Variants in YIPF2 observed in about 807,000 individuals in gnomAD.
YIPF2 encodes protein YIPF2.
YIPF2 carries 30 observed loss-of-function variants against 38.8 expected under a neutral mutation model. That is an observed-to-expected ratio of 0.77 (90% confidence interval 0.58 to 1.05). YIPF2 has a LOEUF of 1.05. Among genes scored for constraint, YIPF2 ranks in the 50% least tolerant of loss-of-function variants. The pLI, the probability that YIPF2 is intolerant of heterozygous loss-of-function variation, is 0.00. For synonymous variants in YIPF2, 194 were observed against 183.8 expected (o/e 1.06, Z -0.45); for missense variants, 401 against 409.7 (o/e 0.98, Z 0.18).
intron 7 of YIPF2, 77 bp downstream of exon 7, chr19:10,923,756 C>A: frequency 6.3e-7 from 1 of 1,581,702 alleles, no homozygotes; most frequent in Non-Finnish European, 8.6e-7. Flanking sequence ...CCCTCACCAC[C>A]ATGGGAATGA....
rs2074276054 is a variant in YIPF2, at chr19:10,922,625, C to T, written c.*569G>A. On this transcript the variant is annotated 3_prime_UTR_variant, in exon 10 of 10. Transcript: ENST00000586748. ...GCTAACGTTAGGCCTGAGTAGCTCCCCTCCATCCTTGTAGACGCTCCAGTC... is the reference window on the plus strand; with the variant it reads ...GCTAACGTTAGGCCTGAGTAGCTCCTCTCCATCCTTGTAGACGCTCCAGTC... 1 of 152,384 alleles carries T rather than the reference C, an allele frequency of 6.6e-6. No individual in the cohort carries two copies. Among genetic ancestry groups the T allele is most frequent in the Non-Finnish European group, 1.5e-5 (1 of 68,082 alleles). 9.4% of individuals were successfully genotyped at this position (152,384 alleles called of 1,614,324 possible). A position where few individuals can be genotyped will look rare whatever the true frequency, so the allele number is the denominator to read the frequency against.
At chr19:10,926,693 A>ATTTTTTTTT in intron 4 of YIPF2, among the ~76,000 whole-genome samples, 1 of 145,826 alleles carries the variant, frequency 6.9e-6, no homozygotes, top group Non-Finnish European at 1.5e-5. Flanking sequence ...TGCCTGGCTA[A>ATTTTTTTTT]TTTTTGTATT....
At position 10,927,824 on chromosome 19, in the gene YIPF2, A is replaced by C; in HGVS notation, c.167T>G (p.Val56Gly). 6.2e-7 allele frequency: 1 copy of C among 1,608,212 alleles called. No individual in the cohort carries two copies. The highest frequency in any genetic ancestry group is 1.1e-5 in the South Asian group (1 of 90,990). The part of the protein sequence containing the change: ...SGGSYGAEDE[V>G]EEESDKAALL... ...CGCGGCCTTGTCACTCTCCTCCTCC[A>C]CCTCATCCTCGGCTCCATAGCTGCC... Residue 56 changes from valine to glycine, a missense_variant, in exon 3 of 10, where the codon GTG (valine) becomes GGG (glycine). Coordinates refer to ENST00000586748, the MANE Select transcript of YIPF2 (RefSeq NM_001321439.2).
chr19:10,928,296 G>A, intron 2 of YIPF2, 84 bp downstream of exon 2: 2 of 1,316,806 alleles, frequency 1.5e-6, no homozygotes, highest in South Asian at 2.4e-5. Flanking sequence ...AGGCTTCGGG[G>A]TAGAGAAATT....
At position 10,923,368 on chromosome 19, in the gene YIPF2, G is replaced by A. The variant is rs1471420752; in HGVS notation, c.874C>T (p.Pro292Ser). 1.9e-6 allele frequency: 3 copies of A among 1,613,408 alleles called. No homozygotes were observed. The highest frequency in any genetic ancestry group is 3.3e-5 in the Admixed American group (2 of 59,894). The change falls in exon 9 of 10, where the codon CCT becomes TCT. Residue 292 changes from proline to serine, a missense_variant. Physicochemically the swap from Pro to Ser is moderately conservative, Grantham distance 74. Transcript: ENST00000586748. ...GGCAGAGATGTGATTTGGGGTGGAG[G>A]AGCCACGTTCTCCGGAGGCAGCGAC... ...FQSLPPENVA[P>S]PPQITSLPSN...
intron 5 of YIPF2, among the ~76,000 whole-genome samples, chr19:10,925,231 CAAA>C (rs1268669032): frequency 7.5e-5 from 7 of 93,782 alleles, no homozygotes; most frequent in African/African-American, 4.0e-5. Context: ...GACTCTGTCT[CAAA>C]AAAAAAAAAA....
At chr19:10,926,283 G>C in intron 4 of YIPF2, among the ~76,000 whole-genome samples, 1 of 150,898 alleles carries the variant, frequency 6.6e-6, no homozygotes, top group East Asian at 1.9e-4. Context: ...CTGGAGTGCA[G>C]TGGTGCCATC....
At position 10,927,670 on chromosome 19, in the gene YIPF2, A is replaced by C; in HGVS notation, c.239T>G (p.Phe80Cys). The part of the protein sequence containing the change: ...QQQQQPGFWT[F>C]SYYQSFFDVD... ...GTCAAAGAAGCTCTGATAGTAGCTG[A>C]AGGTCCAGAATCCCGGCTGCTGCTG... The change falls in exon 4 of 10, where the codon TTC becomes TGC. Residue 80 changes from phenylalanine to cysteine, a missense_variant. By Grantham distance (205) the Phe-to-Cys change is radical. Coordinates refer to ENST00000586748, the MANE Select transcript of YIPF2 (RefSeq NM_001321439.2). The C allele has an allele frequency of 6.2e-7, 1 of 1,613,894 alleles. No homozygotes were observed.
Position 10,927,685 on chromosome 19 carries a change from GGCTGCTGCT to G in YIPF2, c.215_223del (p.Gln72_Gln74del), listed in dbSNP as rs757352556. The G allele has an allele frequency of 5.6e-6, 9 of 1,613,392 alleles. No homozygotes were observed. Among genetic ancestry groups the G allele is most frequent in the Non-Finnish European group, 7.6e-6 (9 of 1,179,918 alleles). ...ATAGTAGCTGAAGGTCCAGAATCCC[GGCTGCTGCT>G]GCTGCTGCTGCTCCTGCAGGAGCTG... On this transcript the variant is annotated inframe_deletion, in exon 4 of 10. Transcript: ENST00000586748.
Position 10,923,271 on chromosome 19 carries a change from C to A in YIPF2, c.*19+1G>T. The A allele has an allele frequency of 6.2e-7, 1 of 1,600,136 alleles. No individual in the cohort carries two copies. The highest frequency in any genetic ancestry group is 8.5e-7 in the Non-Finnish European group (1 of 1,174,866). On this transcript the variant is annotated splice_donor_variant, in intron 9 of 9. Coordinates refer to ENST00000586748, the MANE Select transcript of YIPF2 (RefSeq NM_001321439.2). LOFTEE classifies it low-confidence loss of function (3UTR_SPLICE). ...TTAGCCCAGCTGGGAATAGTCCTTA[C>A]CTGTGGGACCCGGGCCTTCCTAGGA...
intron 4 of YIPF2, among the ~76,000 whole-genome samples, chr19:10,926,075 T>C (rs1285015377): frequency 6.6e-6 from 1 of 150,904 alleles, no homozygotes; most frequent in East Asian, 2.0e-4. Flanking sequence ...CACGCCTGGC[T>C]AATAGTTGTA....
Position 10,923,480 on chromosome 19 carries a change from A to T in YIPF2, c.834+15T>A. ...TAGCCCCTCGGCCCCACCTGTGGCC[A>T]CCCCAGACCCGTACCTTACAGCCCA... On this transcript the variant is annotated intron_variant, in intron 8 of 9. Transcript: ENST00000586748. 3.7e-6 allele frequency: 6 copies of T among 1,612,326 alleles called. No homozygotes were observed. Among genetic ancestry groups the T allele is most frequent in the Non-Finnish European group, 5.1e-6 (6 of 1,179,450 alleles).
At position 10,924,200 on chromosome 19, in the gene YIPF2, T is replaced by C. The variant is rs2083381843; in HGVS notation, c.368-8A>G. 6.2e-7 allele frequency: 1 copy of C among 1,607,872 alleles called. No individual in the cohort carries two copies. The highest frequency in any genetic ancestry group is 1.1e-5 in the South Asian group (1 of 91,022). On this transcript the variant is annotated splice_polypyrimidine_tract_variant and splice_region_variant and intron_variant, in intron 5 of 9. Coordinates refer to ENST00000586748, the MANE Select transcript of YIPF2 (RefSeq NM_001321439.2). Reference sequence around the variant, plus strand: ...CACAGATCCAGAAGGGGCCTGGGGGTAGGGGGCACAGTCAGGGTCCCGGGC... The same window carrying C: ...CACAGATCCAGAAGGGGCCTGGGGGCAGGGGGCACAGTCAGGGTCCCGGGC...
intron 9 of YIPF2, 29 bp downstream of exon 9, chr19:10,923,243 C>T (rs966210551): frequency 1.9e-6 from 3 of 1,542,258 alleles, no homozygotes; most frequent in Admixed American, 2.1e-5. Context: ...GAGGGCAGCC[C>T]CCTTAGCCCA....
chr19:10,923,663 G>T lies in YIPF2; in HGVS notation c.666C>A (p.Ile222=). Residue 222 remains isoleucine (I), a synonymous_variant, in exon 8 of 10, where the codon ATC becomes ATA. Coordinates refer to ENST00000586748, the MANE Select transcript of YIPF2 (RefSeq NM_001321439.2). ...AGAGCCACTGCAGCCAAGGCACAGG[G>T]ATGAGCCACAGGACCTGGGAGCAAC... is the stretch of plus-strand genomic sequence containing the variant. The part of the protein sequence containing the change: ...VFIPMVVLWL[I]PVPWLQWLFG... 6.2e-7 allele frequency: 1 copy of T among 1,609,812 alleles called. No homozygotes were observed. The highest frequency in any genetic ancestry group is 8.5e-7 in the Non-Finnish European group (1 of 1,177,226).
chr19:10,928,302 A>C, intron 2 of YIPF2, 78 bp downstream of exon 2: 1 of 1,317,986 alleles, frequency 7.6e-7, no homozygotes, highest in Non-Finnish European at 9.8e-7. Flanking sequence ...CGGGGTAGAG[A>C]AATTGGAAGC....
At chr19:10,927,584 C>T in intron 4 of YIPF2, 46 bp downstream of exon 4, 2 of 1,603,150 alleles carry the variant, frequency 1.2e-6, no homozygotes, top group Middle Eastern at 1.7e-4. Context: ...TGGCTGAACC[C>T]TGAGCATAAC....
In YIPF2 at chr19:10,928,365, C is replaced by A; in HGVS notation, c.31+15G>T. 1.5e-6 allele frequency: 2 copies of A among 1,321,056 alleles called. No homozygotes were observed. Among genetic ancestry groups the A allele is most frequent in the Non-Finnish European group, 1.9e-6 (2 of 1,029,476 alleles). The allele number at this position is 1,321,056 out of a possible 1,614,324, so 81.8% of individuals were successfully genotyped here. A position where few individuals can be genotyped will look rare whatever the true frequency, so the allele number is the denominator to read the frequency against. On this transcript the variant is annotated intron_variant, in intron 2 of 9. Coordinates refer to ENST00000586748, the MANE Select transcript of YIPF2 (RefSeq NM_001321439.2). ...GCGGGAGTGGGAGATCCGGCCACGT[C>A]GGGGCCGCACTCACCATGGAAGGTC... is the stretch of plus-strand genomic sequence containing the variant.
Position 10,923,658 on chromosome 19 carries a change from A to C in YIPF2, c.671T>G (p.Val224Gly), listed in dbSNP as rs780825199. 6.2e-7 allele frequency: 1 copy of C among 1,611,008 alleles called. No individual in the cohort carries two copies. Among genetic ancestry groups the C allele is most frequent in the African/African-American group, 1.3e-5 (1 of 74,898 alleles). Reference sequence around the variant, plus strand: ...CCCAAAGAGCCACTGCAGCCAAGGCACAGGGATGAGCCACAGGACCTGGGA... The same window carrying C: ...CCCAAAGAGCCACTGCAGCCAAGGCCCAGGGATGAGCCACAGGACCTGGGA... ...IPMVVLWLIP[V>G]PWLQWLFGAL... The change falls in exon 8 of 10, where the codon GTG becomes GGG. Residue 224 changes from valine (V) to glycine (G), a missense_variant. Transcript: ENST00000586748.
Sources: allele counts gnomAD v4.1 joint callset (sites outside exome capture counted in the v4.1 genomes callset), GRCh38; gene constraint gnomAD v4.1.1; transcripts MANE v1.5; gene names NCBI Gene and HGNC (gene_info 2026-07-23, HGNC 2026-07-21).